DPP10: variants seen among roughly 807,000 people sequenced by gnomAD.
The protein encoded by DPP10 is inactive dipeptidyl peptidase 10.
DPP10 carries 33 observed loss-of-function variants against 120.9 expected under a neutral mutation model. The observed-to-expected ratio is 0.27, with a 90% CI of 0.21 to 0.37. The LOEUF (loss-of-function observed/expected upper bound fraction) is 0.37. Ranked by LOEUF, DPP10 falls within the 10% of genes least tolerant of loss-of-function variation. The pLI is 1.00. For synonymous variants in DPP10, 337 were observed against 326.1 expected (o/e 1.03, Z -0.36); for missense variants, 816 against 942.8 (o/e 0.87, Z 1.76).
chr2:115,077,924 C>A (rs1206965013), intron 1 of DPP10, among the ~76,000 whole-genome samples: 1 of 152,200 alleles, frequency 6.6e-6, no homozygotes, highest in Non-Finnish European at 1.5e-5. Context: ...AATTTTTCAG[C>A]CAGTTTCTGT....
rs146889857 is a variant in DPP10 at position 114,443,130 on chromosome 2, C to T, written c.60+292C>T. ...GTGAGTGTCTAGAAGAGTTTCCAGT[C>T]CATGCCAATTTTCTTGATAGAACTG... is the stretch of plus-strand genomic sequence containing the variant. On this transcript the variant is annotated intron_variant, in intron 1 of 25. Coordinates refer to ENST00000410059, the MANE Select transcript of DPP10 (RefSeq NM_020868.6). Among the ~76,000 whole-genome samples the T allele has an allele frequency of 6.5e-3, 981 of 152,040 alleles. 11 individuals are homozygous for T. The highest frequency in any genetic ancestry group is 0.022 in the African/African-American group (907 of 41,460).
At chr2:115,516,606 A>G (rs562524039) in intron 4 of DPP10, among the ~76,000 whole-genome samples, 3 of 147,340 alleles carry the variant, frequency 2.0e-5, no homozygotes, top group Non-Finnish European at 4.5e-5. Context: ...TGAATTGCAC[A>G]TTCAGAATCT....
chr2:114,960,496 C>T (rs1478656167), intron 1 of DPP10, among the ~76,000 whole-genome samples: 1 of 151,836 alleles, frequency 6.6e-6, no homozygotes, highest in Non-Finnish European at 1.5e-5. Context: ...TAATTTTACT[C>T]ATTTAAGAAA....
chr2:114,711,181 A>G (rs1036346316), intron 1 of DPP10, among the ~76,000 whole-genome samples: 4 of 152,218 alleles, frequency 2.6e-5, no homozygotes, highest in African/African-American at 9.6e-5. Context: ...TCTTCCAGGC[A>G]TGGTATGACA....
At chr2:114,462,698 C>G (rs1271532430) in intron 1 of DPP10, among the ~76,000 whole-genome samples, 1 of 152,196 alleles carries the variant, frequency 6.6e-6, no homozygotes, top group East Asian at 1.9e-4. Flanking sequence ...CTATAAAACG[C>G]TCTTCCCCCT....
chr2:114,854,523 G>A (rs560435401), intron 1 of DPP10, among the ~76,000 whole-genome samples: 5 of 152,216 alleles, frequency 3.3e-5, no homozygotes, highest in South Asian at 2.1e-4. Flanking sequence ...CTCTGTCGAC[G>A]CTCAAAAGCT....
At chr2:115,058,461 G>A (rs536152624) in intron 1 of DPP10, among the ~76,000 whole-genome samples, 7 of 151,934 alleles carry the variant, frequency 4.6e-5, no homozygotes, top group African/African-American at 1.5e-4. Flanking sequence ...CTGCAGTGGC[G>A]CGATCTCGGT....
intron 15 of DPP10, among the ~76,000 whole-genome samples, chr2:115,779,502 T>G (rs2149857554): frequency 6.6e-6 from 1 of 152,156 alleles, no homozygotes; most frequent in East Asian, 1.9e-4. Flanking sequence ...TCTCAAAATT[T>G]GTGTCTCTTT....
chr2:114,569,129 G>A (rs571814086), intron 1 of DPP10, among the ~76,000 whole-genome samples: 16 of 152,278 alleles, frequency 1.1e-4, no homozygotes, highest in African/African-American at 3.9e-4. Context: ...TTTAGAGACA[G>A]AGGCCTGGTT....
chr2:115,562,465 C>T (rs929582924), intron 5 of DPP10, among the ~76,000 whole-genome samples: 3 of 152,164 alleles, frequency 2.0e-5, no homozygotes, highest in African/African-American at 7.2e-5. Flanking sequence ...ATCATGATTC[C>T]AAAAGTTCCA....
At chr2:115,755,926 T>A (rs1221069266) in intron 11 of DPP10, among the ~76,000 whole-genome samples, 3 of 111,802 alleles carry the variant, frequency 2.7e-5, no homozygotes, top group Non-Finnish European at 6.0e-5. Context: ...TATGCTTTTT[T>A]AAAAAGTGTG....
At chr2:114,760,076 G>A (rs891007383) in intron 1 of DPP10, among the ~76,000 whole-genome samples, 2 of 152,104 alleles carry the variant, frequency 1.3e-5, no homozygotes, top group South Asian at 2.1e-4. Flanking sequence ...TTCCATAAAC[G>A]CTAATCCTGT....
intron 1 of DPP10, among the ~76,000 whole-genome samples, chr2:114,450,066 G>A (rs1678173099): frequency 6.6e-6 from 1 of 151,998 alleles, no homozygotes. Context: ...GAAAATACCT[G>A]GGTAGCTGCA....
At chr2:114,934,722 A>G (rs1488437704) in intron 1 of DPP10, among the ~76,000 whole-genome samples, 1 of 152,108 alleles carries the variant, frequency 6.6e-6, no homozygotes, top group Non-Finnish European at 1.5e-5. Context: ...TGCCATATAT[A>G]CAAGATGGCA....
chr2:114,631,358 G>T (rs893918703), intron 1 of DPP10, among the ~76,000 whole-genome samples: 1 of 151,986 alleles, frequency 6.6e-6, no homozygotes, highest in Non-Finnish European at 1.5e-5. Flanking sequence ...TGCAGGCCAC[G>T]TTCCCCTGCT....
chr2:114,593,998 T>G (rs1284790093), intron 1 of DPP10, among the ~76,000 whole-genome samples: 1 of 152,134 alleles, frequency 6.6e-6, no homozygotes, highest in East Asian at 1.9e-4. Context: ...TGGTTAATAC[T>G]GAGTGTCAAC....
intron 3 of DPP10, among the ~76,000 whole-genome samples, chr2:115,455,456 G>GA (rs1018402677): frequency 2.0e-5 from 3 of 151,966 alleles, no homozygotes; most frequent in Middle Eastern, 3.2e-3. Flanking sequence ...CACAGAATTG[G>GA]AAAAAACTAT....
chr2:114,993,743 A>G (rs1700903832), intron 1 of DPP10, among the ~76,000 whole-genome samples: 1 of 151,952 alleles, frequency 6.6e-6, no homozygotes, highest in Non-Finnish European at 1.5e-5. Context: ...CATAGGTTGT[A>G]CGACTATGTG....
chr2:115,306,489 T>C (rs933983786), intron 1 of DPP10, among the ~76,000 whole-genome samples: 1 of 152,110 alleles, frequency 6.6e-6, no homozygotes, highest in African/African-American at 2.4e-5. Flanking sequence ...ATTATTCTTC[T>C]AGACTGACAC....
Sources: gnomAD v4.1 joint callset for allele counts (sites outside exome capture counted in the v4.1 genomes callset) on GRCh38, gnomAD v4.1.1 for gene constraint, MANE v1.5 for transcripts, NCBI Gene and HGNC (gene_info 2026-07-23, HGNC 2026-07-21) for gene names.